The following NMRK1 variants were observed in gnomAD, a reference collection of about 807,000 sequenced individuals.
NMRK1 encodes nicotinamide riboside kinase 1.
A neutral mutation model predicts 29.9 loss-of-function variants in NMRK1; 28 were observed. The observed-to-expected ratio is 0.94, with a 90% CI of 0.69 to 1.28. NMRK1 has a LOEUF of 1.28. NMRK1 is among the 50% of genes most tolerant of loss of function. NMRK1 has a pLI of 0.00. For synonymous variants in NMRK1, 58 were observed against 73.0 expected (o/e 0.79, Z 1.05); for missense variants, 218 against 233.1 (o/e 0.94, Z 0.42).
At chr9:75,069,268 C>T (rs1823554566) in intron 6 of NMRK1, 166 bp from the exon 7 acceptor site, 1 of 560,894 alleles carries the variant, frequency 1.8e-6, no homozygotes, top group Admixed American at 3.2e-5. Context: ...ACGACAGTAA[C>T]ATGGATTTAG....
intron 8 of NMRK1, among the ~76,000 whole-genome samples, chr9:75,063,053 G>A (rs945210782): frequency 6.6e-6 from 1 of 151,332 alleles, no homozygotes; most frequent in Non-Finnish European, 1.5e-5. Flanking sequence ...GTTCACACCT[G>A]TAATCCCAGC....
intron 4 of NMRK1, 52 bp from the exon 5 acceptor site, chr9:75,070,094 A>G (rs1823615448): frequency 6.6e-7 from 1 of 1,521,350 alleles, no homozygotes; most frequent in Admixed American, 2.0e-5. Context: ...AAATTTTGTG[A>G]TGTGACTTTT....
chr9:75,067,918 A>G (rs1397074168), intron 7 of NMRK1, among the ~76,000 whole-genome samples: 2 of 152,160 alleles, frequency 1.3e-5, no homozygotes, highest in African/African-American at 4.8e-5. Flanking sequence ...GCCTTATCCA[A>G]CAGCCTTCTG....
chr9:75,077,858 A>G (rs937697211), intron 2 of NMRK1, among the ~76,000 whole-genome samples: 6 of 152,092 alleles, frequency 3.9e-5, no homozygotes, highest in Admixed American at 3.9e-4. Flanking sequence ...CTGGTCTGAA[A>G]CTCCTGACCT....
chr9:75,077,618 T>C, intron 2 of NMRK1, 38 bp from the exon 3 acceptor site: 1 of 1,415,678 alleles, frequency 7.1e-7, no homozygotes, highest in Admixed American at 1.8e-5. Context: ...AGAAGGAAAA[T>C]GCATTAAAAA....
At chr9:75,073,955 A>G (rs1405708838) in intron 4 of NMRK1, among the ~76,000 whole-genome samples, 1 of 152,220 alleles carries the variant, frequency 6.6e-6, no homozygotes, top group African/African-American at 2.4e-5. Flanking sequence ...TGGTATTAGT[A>G]TAGTTGCTAG....
chr9:75,068,789 C>T (rs1482084095), intron 7 of NMRK1, among the ~76,000 whole-genome samples: 1 of 152,178 alleles, frequency 6.6e-6, no homozygotes, highest in Non-Finnish European at 1.5e-5. Flanking sequence ...GGCATTCATT[C>T]AATACTGGTT....
intron 8 of NMRK1, chr9:75,066,131 G>A (rs1428442802): frequency 6.0e-6 from 2 of 334,950 alleles, no homozygotes; most frequent in South Asian, 2.5e-5. Context: ...TTCAGCAGTA[G>A]GATATAAATA....
intron 8 of NMRK1, among the ~76,000 whole-genome samples, chr9:75,064,139 C>T (rs748483587): frequency 2.6e-5 from 4 of 152,124 alleles, no homozygotes; most frequent in Non-Finnish European, 5.9e-5. Flanking sequence ...GGCTTTGGAA[C>T]AGATGGTGAA....
chr9:75,062,492 AT>A (rs200236312), intron 8 of NMRK1, among the ~76,000 whole-genome samples: 11 of 150,048 alleles, frequency 7.3e-5, no homozygotes, highest in East Asian at 1.9e-4. Context: ...CTCAGCCTTG[AT>A]TTTTTTTTTA....
rs185183878 is a variant in NMRK1 at position 75,070,250 on chromosome 9, C to T, written c.170-208G>A. ...GAAACATTTTTATTATGGAAAATTTCGAACATACAAAAAAGTAAAGTACAG... is the reference window on the plus strand; with the variant it reads ...GAAACATTTTTATTATGGAAAATTTTGAACATACAAAAAAGTAAAGTACAG... On this transcript the variant is annotated intron_variant, in intron 4 of 8. Coordinates refer to ENST00000361092, the MANE Select transcript of NMRK1 (RefSeq NM_017881.3). Among the ~76,000 whole-genome samples the T allele has an allele frequency of 2.5e-3, 381 of 152,226 alleles. 1 individual carries two copies. Among genetic ancestry groups the T allele is most frequent in the Non-Finnish European group, 4.1e-3 (276 of 68,010 alleles).
At chr9:75,076,437 TG>T (rs770344620) in intron 4 of NMRK1, among the ~76,000 whole-genome samples, 1 of 151,274 alleles carries the variant, frequency 6.6e-6, no homozygotes, top group Non-Finnish European at 1.5e-5. Context: ...GGGAGGCAGG[TG>T]GGGGGGAATG....
At chr9:75,066,728 A>G in intron 8 of NMRK1, 29 bp downstream of exon 8, 1 of 1,237,090 alleles carries the variant, frequency 8.1e-7, no homozygotes, top group South Asian at 1.2e-5. Flanking sequence ...TTTCTCCTCT[A>G]CCATCCACTT....
intron 2 of NMRK1, among the ~76,000 whole-genome samples, chr9:75,081,363 T>C (rs1824310637): frequency 6.6e-6 from 1 of 152,146 alleles, no homozygotes; most frequent in Non-Finnish European, 1.5e-5. Flanking sequence ...GAGGCCCAGA[T>C]GGGAAGATTG....
intron 1 of NMRK1, among the ~76,000 whole-genome samples, chr9:75,083,441 G>A (rs917431432): frequency 3.3e-5 from 5 of 152,238 alleles, no homozygotes; most frequent in Admixed American, 6.5e-5. Flanking sequence ...AGGCCACAGC[G>A]TGGTATATGA....
chr9:75,070,730 T>C (rs1823649537), intron 4 of NMRK1, among the ~76,000 whole-genome samples: 1 of 152,164 alleles, frequency 6.6e-6, no homozygotes, highest in African/African-American at 2.4e-5. Flanking sequence ...TTAAGAGTGT[T>C]TTTTAGTGGA....
chr9:75,067,452 CT>C (rs1823425853), intron 7 of NMRK1, among the ~76,000 whole-genome samples: 1 of 152,158 alleles, frequency 6.6e-6, no homozygotes, highest in Non-Finnish European at 1.5e-5. Flanking sequence ...AGGAAAGGGC[CT>C]TCTGGTCAGA....
chr9:75,082,852 T>C (rs1824395668), intron 2 of NMRK1: 2 of 511,858 alleles, frequency 3.9e-6, no homozygotes, highest in East Asian at 3.2e-5. Flanking sequence ...ACAAAATAAA[T>C]GGGAAAGTGG....
At chr9:75,081,485 G>T (rs1453138964) in intron 2 of NMRK1, among the ~76,000 whole-genome samples, 4 of 152,202 alleles carry the variant, frequency 2.6e-5, no homozygotes, top group Non-Finnish European at 5.9e-5. Flanking sequence ...TGGAAAGAAG[G>T]CTTTCTTAGG....
Sources: allele counts gnomAD v4.1 joint callset (sites outside exome capture counted in the v4.1 genomes callset), GRCh38; gene constraint gnomAD v4.1.1; transcripts MANE v1.5; gene names NCBI Gene and HGNC (gene_info 2026-07-23, HGNC 2026-07-21).